FBXL17: variants seen among roughly 807,000 people sequenced by gnomAD.
FBXL17 encodes F-box/LRR-repeat protein 17.
FBXL17 carries 22 observed loss-of-function variants against 66.2 expected under a neutral mutation model. The observed-to-expected ratio is 0.33, with a 90% CI of 0.24 to 0.47. The LOEUF (loss-of-function observed/expected upper bound fraction) is 0.47, where lower values mean the gene tolerates loss of function less well. Among genes scored for constraint, FBXL17 ranks in the 20% least tolerant of loss-of-function variants. The pLI, the probability that FBXL17 is intolerant of heterozygous loss-of-function variation, is 1.00. For synonymous variants in FBXL17, 474 were observed against 400.5 expected (o/e 1.18, Z -2.19); for missense variants, 878 against 948.2 (o/e 0.93, Z 0.97).
chr5:107,972,781 CT>C (rs1253266841), intron 7 of FBXL17, among the ~76,000 whole-genome samples: 12 of 151,932 alleles, frequency 7.9e-5, no homozygotes, highest in East Asian at 1.9e-4. Flanking sequence ...AGATTTGTCA[CT>C]TTTTTTTACA....
At chr5:108,095,031 G>C (rs1341298188) in intron 6 of FBXL17, among the ~76,000 whole-genome samples, 1 of 152,046 alleles carries the variant, frequency 6.6e-6, no homozygotes, top group Non-Finnish European at 1.5e-5. Flanking sequence ...AATATGATAA[G>C]TGATATATTT....
chr5:108,330,310 C>G (rs1286973387), intron 4 of FBXL17, among the ~76,000 whole-genome samples: 1 of 152,170 alleles, frequency 6.6e-6, no homozygotes, highest in African/African-American at 2.4e-5. Context: ...ATTCAAATGA[C>G]TGATCTACAT....
chr5:108,205,448 C>T (rs946920986), intron 5 of FBXL17, among the ~76,000 whole-genome samples: 2 of 152,112 alleles, frequency 1.3e-5, no homozygotes, highest in African/African-American at 4.8e-5. Context: ...CAAGTTTTCT[C>T]AATAATCTCA....
At chr5:107,878,895 C>T (rs1235134235) in intron 8 of FBXL17, 5 of 985,364 alleles carry the variant, frequency 5.1e-6, no homozygotes, top group African/African-American at 1.7e-5. Flanking sequence ...TCTGACCAGA[C>T]GGCGTCGTGC....
chr5:108,133,704 TAAAA>T (rs1014689773), intron 6 of FBXL17, among the ~76,000 whole-genome samples: 1 of 151,896 alleles, frequency 6.6e-6, no homozygotes, highest in Non-Finnish European at 1.5e-5. Context: ...GAGAAAAACA[TAAAA>T]AAAGAAGAAA....
chr5:108,169,933 G>A (rs776371049), intron 6 of FBXL17, among the ~76,000 whole-genome samples: 5 of 152,094 alleles, frequency 3.3e-5, no homozygotes, highest in Non-Finnish European at 5.9e-5. Context: ...CCTGGCTATA[G>A]TTTTAACTCT....
rs144375231 is a variant in FBXL17, at chr5:108,205,011, A to G, written c.1615-18764T>C. ...CTGCAGACTCTAACTCTTGGGCTCA[A>G]AAGATCCCCTCATTTCAGCCTTCCA... On this transcript the variant is annotated intron_variant, in intron 5 of 8. Transcript: ENST00000542267. 4.1e-3 allele frequency among the ~76,000 whole-genome samples: 620 copies of G among 152,142 alleles called. 8 individuals are homozygous for G. Among genetic ancestry groups the G allele is most frequent in the African/African-American group, 0.014 (584 of 41,504 alleles).
At chr5:108,119,905 T>C (rs1750416394) in intron 6 of FBXL17, among the ~76,000 whole-genome samples, 2 of 152,208 alleles carry the variant, frequency 1.3e-5, no homozygotes, top group South Asian at 4.1e-4. Context: ...CAACCAGTGG[T>C]ATCTGATGGG....
chr5:108,123,479 T>C lies in FBXL17; in HGVS notation c.1745+62638A>G, dbSNP rs138993504. Reference sequence around the variant, plus strand: ...CACTGAAATATATTCAGCTACTATGTTGATATTTCCATTTGAAAGCTTTAA... The same window carrying C: ...CACTGAAATATATTCAGCTACTATGCTGATATTTCCATTTGAAAGCTTTAA... On this transcript the variant is annotated intron_variant, in intron 6 of 8. Transcript: ENST00000542267. 9.4e-3 allele frequency among the ~76,000 whole-genome samples: 1,427 copies of C among 152,338 alleles called. 19 individuals carry two copies. The highest frequency in any genetic ancestry group is 0.032 in the African/African-American group (1,345 of 41,574).
At chr5:108,210,680 T>C (rs1754330158) in intron 5 of FBXL17, among the ~76,000 whole-genome samples, 1 of 152,180 alleles carries the variant, frequency 6.6e-6, no homozygotes, top group Admixed American at 6.5e-5. Context: ...GAGAGACTCT[T>C]TGTTATGATT....
intron 7 of FBXL17, among the ~76,000 whole-genome samples, chr5:107,915,901 G>A (rs1007222974): frequency 2.0e-5 from 3 of 152,226 alleles, no homozygotes; most frequent in African/African-American, 7.2e-5. Flanking sequence ...AGCAGACAAA[G>A]GATGCATGTT....
At chr5:107,995,681 T>G (rs759454364) in intron 7 of FBXL17, among the ~76,000 whole-genome samples, 10 of 152,174 alleles carry the variant, frequency 6.6e-5, no homozygotes, top group African/African-American at 9.7e-5. Context: ...GATTTATGCT[T>G]AGAAATTCAA....
At chr5:107,948,903 G>GTCAAT (rs1751402557) in intron 7 of FBXL17, among the ~76,000 whole-genome samples, 1 of 152,184 alleles carries the variant, frequency 6.6e-6, no homozygotes, top group Non-Finnish European at 1.5e-5. Flanking sequence ...AATACAGACA[G>GTCAAT]AGCATTCGCT....
rs1025934913 is a variant in FBXL17, at chr5:108,291,941, GTCA to G, written c.1506+56455_1506+56457del. ...ACTATCACTGCCCTCAGTTCAGGTG[GTCA>G]TCATTTCTTTCCTGTACTATTGCAG... On this transcript the variant is annotated intron_variant, in intron 4 of 8. Coordinates refer to ENST00000542267, the MANE Select transcript of FBXL17 (RefSeq NM_001163315.3). Among the ~76,000 whole-genome samples the G allele has an allele frequency of 3.3e-5, 5 of 152,068 alleles. No individual in the cohort carries two copies. In the South Asian group the frequency reaches 6.2e-4, roughly 19 times the overall value.
At chr5:108,158,321 A>G (rs1752073923) in intron 6 of FBXL17, among the ~76,000 whole-genome samples, 1 of 152,194 alleles carries the variant, frequency 6.6e-6, no homozygotes, top group Non-Finnish European at 1.5e-5. Context: ...ATAGCCAAAA[A>G]CTTATTGGAT....
intron 4 of FBXL17, among the ~76,000 whole-genome samples, chr5:108,343,552 TTAATA>T (rs1187493063): frequency 6.6e-6 from 1 of 152,218 alleles, no homozygotes; most frequent in African/African-American, 2.4e-5. Flanking sequence ...ACCAATCTCC[TTAATA>T]TATTAACTCA....
At chr5:107,912,841 GC>G (rs1268758471) in intron 7 of FBXL17, among the ~76,000 whole-genome samples, 2 of 152,046 alleles carry the variant, frequency 1.3e-5, no homozygotes, top group Non-Finnish European at 2.9e-5. Context: ...ACAATTTGGT[GC>G]CCCAAGAACC....
chr5:108,204,232 T>A (rs751593002), intron 5 of FBXL17, among the ~76,000 whole-genome samples: 13 of 152,058 alleles, frequency 8.5e-5, no homozygotes, highest in African/African-American at 1.2e-4. Flanking sequence ...AGAGATAGGA[T>A]CTCGCTGATT....
intron 6 of FBXL17, among the ~76,000 whole-genome samples, chr5:108,185,094 T>A (rs1753174148): frequency 6.6e-6 from 1 of 152,214 alleles, no homozygotes; most frequent in Non-Finnish European, 1.5e-5. Flanking sequence ...AATGGGTTAA[T>A]CATTATTCGT....
Sources: allele counts gnomAD v4.1 joint callset (sites outside exome capture counted in the v4.1 genomes callset), GRCh38; gene constraint gnomAD v4.1.1; transcripts MANE v1.5; gene names NCBI Gene and HGNC (gene_info 2026-07-23, HGNC 2026-07-21).